Variants in PTK2 observed in about 807,000 individuals in gnomAD.
PTK2 encodes focal adhesion kinase 1.
Under a neutral mutation model 150.1 loss-of-function variants are expected in PTK2, and 45 were observed. That is an observed-to-expected ratio of 0.30 (90% CI 0.24 to 0.38). The LOEUF is 0.38. Ranked by LOEUF, PTK2 falls within the 10% of genes least tolerant of loss-of-function variation. The pLI is 1.00. For synonymous variants in PTK2, 432 were observed against 449.2 expected, an observed-to-expected ratio of 0.96 and a Z score of 0.48; for missense variants, 919 against 1,307.3, an observed-to-expected ratio of 0.70 and a Z score of 4.58.
intron 10 of PTK2, among the ~76,000 whole-genome samples, chr8:140,807,178 C>T (rs2100098586): frequency 6.6e-6 from 1 of 152,116 alleles, no homozygotes; most frequent in Non-Finnish European, 1.5e-5. Context: ...TAACATGAAT[C>T]CAGACATTAA....
chr8:140,762,319 C>T lies in PTK2; in HGVS notation c.1235-1057G>A, dbSNP rs1354932726. 6.5e-6 allele frequency: 7 copies of T among 1,084,234 alleles called. No individual in the cohort carries two copies. The East Asian group carries it at 6.3e-4, about 98-fold the overall frequency. 67.2% of individuals were successfully genotyped at this position (1,084,234 alleles called of 1,614,324 possible). ...AACTGAAACATCCCATATCACTCCACAGGTTGCAATTGCAAGCAAATGCAG... is the reference window on the plus strand; with the variant it reads ...AACTGAAACATCCCATATCACTCCATAGGTTGCAATTGCAAGCAAATGCAG... On this transcript the variant is annotated intron_variant, in intron 15 of 31. Coordinates refer to ENST00000522684, the Ensembl canonical transcript of PTK2.
exon 3 of PTK2, chr8:140,890,737 T>C: frequency 3.7e-6 from 6 of 1,614,212 alleles, no homozygotes; most frequent in Non-Finnish European, 5.1e-6. Flanking sequence ...GCAGCTGCCA[T>C]TATTTTGCTA....
At chr8:140,909,636 T>C (rs1020230732) in intron 2 of PTK2, 1 of 151,988 alleles carries the variant, frequency 6.6e-6, no homozygotes, top group Non-Finnish European at 1.5e-5. Flanking sequence ...AAAGTGGGAG[T>C]TGAAATAATA....
At chr8:140,951,169 T>C (rs2100179435) in intron 1 of PTK2, among the ~76,000 whole-genome samples, 1 of 152,114 alleles carries the variant, frequency 6.6e-6, no homozygotes, top group Non-Finnish European at 1.5e-5. Flanking sequence ...TCCATATATA[T>C]CCCAGCAACT....
At chr8:140,929,957 T>C (rs894233648) in intron 1 of PTK2, among the ~76,000 whole-genome samples, 5 of 152,260 alleles carry the variant, frequency 3.3e-5, no homozygotes, top group African/African-American at 1.2e-4. Context: ...AATTAAGCAG[T>C]AGGGATCCCA....
intron 1 of PTK2, among the ~76,000 whole-genome samples, chr8:140,967,846 A>G (rs185000432): frequency 6.6e-6 from 1 of 152,146 alleles, no homozygotes; most frequent in East Asian, 1.9e-4. Context: ...CTTTATACCA[A>G]TTTTCCCTTC....
chr8:140,993,797 T>A (rs1419015691), intron 1 of PTK2, among the ~76,000 whole-genome samples: 1 of 152,080 alleles, frequency 6.6e-6, no homozygotes, highest in Non-Finnish European at 1.5e-5. Flanking sequence ...TGGTGCAATC[T>A]CAGCTCACTG....
At chr8:140,749,821 G>A (rs1393323492) in intron 17 of PTK2, among the ~76,000 whole-genome samples, 2 of 152,126 alleles carry the variant, frequency 1.3e-5, no homozygotes, top group Non-Finnish European at 2.9e-5. Context: ...TAACTGCTGA[G>A]TAACCTCTCA....
intron 5 of PTK2, among the ~76,000 whole-genome samples, chr8:140,852,989 GCCA>G (rs2100130266): frequency 6.6e-6 from 1 of 152,152 alleles, no homozygotes; most frequent in South Asian, 2.1e-4. Context: ...GAAAAAACTG[GCCA>G]CCAATTTGAA....
In PTK2 at chr8:140,800,581, C is replaced by G; in HGVS notation, c.976-5G>C. 1 of 1,606,394 alleles carries G rather than the reference C, an allele frequency of 6.2e-7. No individual in the cohort carries two copies. Among genetic ancestry groups the G allele is most frequent in the Non-Finnish European group, 8.5e-7 (1 of 1,173,398 alleles). The stretch of plus-strand genomic sequence containing the variant: ...TGGTGCCGTCACTGTCAGAGGCTAA[C>G]GGAGAAAAGATCAAGAAAACAGACT... On this transcript the variant is annotated splice_region_variant and splice_polypyrimidine_tract_variant and intron_variant, in intron 11 of 31. Coordinates refer to ENST00000522684, the Ensembl canonical transcript of PTK2.
intron 1 of PTK2, among the ~76,000 whole-genome samples, chr8:140,976,075 A>T (rs937929524): frequency 2.6e-5 from 4 of 152,206 alleles, no homozygotes; most frequent in African/African-American, 9.6e-5. Context: ...ATAACCTCAA[A>T]GGCTAAGACC....
At chr8:140,786,551 G>A (rs1285317499) in intron 14 of PTK2, among the ~76,000 whole-genome samples, 1 of 152,060 alleles carries the variant, frequency 6.6e-6, no homozygotes, top group Non-Finnish European at 1.5e-5. Flanking sequence ...TTATGGTTTT[G>A]TGGAAGATAG....
intron 8 of PTK2, chr8:140,822,221 G>C (rs980903965): frequency 2.6e-5 from 4 of 152,182 alleles, no homozygotes; most frequent in African/African-American, 9.7e-5. Context: ...GGCATACACT[G>C]CATAATCAGA....
intron 7 of PTK2, among the ~76,000 whole-genome samples, chr8:140,836,785 A>G (rs2100118917): frequency 1.3e-5 from 2 of 152,218 alleles, no homozygotes; most frequent in African/African-American, 4.8e-5. Flanking sequence ...TGCAGCTCAC[A>G]TTCTCCATAG....
intron 24 of PTK2, among the ~76,000 whole-genome samples, chr8:140,703,262 CA>C (rs996307779): frequency 2.7e-4 from 37 of 135,184 alleles, no homozygotes; most frequent in African/African-American, 3.0e-4. Flanking sequence ...GACTCCGTCT[CA>C]AAAAAAAAAA....
At chr8:140,698,529 C>G (rs1330636805) in intron 26 of PTK2, among the ~76,000 whole-genome samples, 1 of 152,142 alleles carries the variant, frequency 6.6e-6, no homozygotes, top group Non-Finnish European at 1.5e-5. Flanking sequence ...TCTTGGCTCA[C>G]TGCAACCACC....
At chr8:140,738,769 C>T (rs528147272) in intron 21 of PTK2, among the ~76,000 whole-genome samples, 1 of 152,034 alleles carries the variant, frequency 6.6e-6, no homozygotes, top group Non-Finnish European at 1.5e-5. Context: ...CAAAGGGGAA[C>T]AAAAAGGAAG....
chr8:140,850,997 A>C (rs2100128950), intron 5 of PTK2, among the ~76,000 whole-genome samples: 1 of 152,248 alleles, frequency 6.6e-6, no homozygotes, highest in Admixed American at 6.5e-5. Flanking sequence ...TAACAGCTAC[A>C]CAAATTTATC....
chr8:140,930,145 A>C (rs1186279203), intron 1 of PTK2, among the ~76,000 whole-genome samples: 1 of 152,196 alleles, frequency 6.6e-6, no homozygotes, highest in African/African-American at 2.4e-5. Flanking sequence ...GTAATACTGA[A>C]ACACTGTTAA....
Sources: allele counts gnomAD v4.1 joint callset (sites outside exome capture counted in the v4.1 genomes callset), GRCh38; gene constraint gnomAD v4.1.1; transcripts MANE v1.5; gene names NCBI Gene and HGNC (gene_info 2026-07-23, HGNC 2026-07-21).